The following ZNF57 variants were observed in gnomAD, a reference collection of about 807,000 sequenced individuals.
ZNF57 encodes the protein zinc finger protein 424.
A neutral mutation model predicts 13.4 loss-of-function variants in ZNF57; 11 were observed. The observed-to-expected ratio is 0.82, with a 90% CI of 0.52 to 1.36. The LOEUF (loss-of-function observed/expected upper bound fraction) is 1.36. Ranked by LOEUF, ZNF57 falls within the 40% of genes most tolerant of loss-of-function variation. The pLI, the probability that ZNF57 is intolerant of heterozygous loss-of-function variation, is 0.00. For synonymous variants in ZNF57, 224 were observed against 238.5 expected (o/e 0.94, Z 0.56); for missense variants, 696 against 667.5 (o/e 1.04, Z -0.47).
intron 1 of ZNF57, among the ~76,000 whole-genome samples, chr19:2,903,407 T>C (rs1270387256): frequency 6.6e-6 from 1 of 152,130 alleles, no homozygotes; most frequent in East Asian, 1.9e-4. Context: ...AGACGGGGTT[T>C]CGCCATGTTG....
Position 2,917,613 on chromosome 19 carries a change from C to G in ZNF57, c.992C>G (p.Thr331Ser). Reference sequence around the variant, plus strand: ...TTGCGAGTCCACATGAGGATCCACACTGGGGACAAACTCTATAAATGTGAA... The same window carrying G: ...TTGCGAGTCCACATGAGGATCCACAGTGGGGACAAACTCTATAAATGTGAA... ...ETLRVHMRIH[T>S]GDKLYKCEHC... The change falls in exon 4 of 4, where the codon ACT (threonine) becomes AGT (serine). Residue 331 changes from threonine to serine, a missense_variant. Transcript: ENST00000306908. 2 of 1,613,692 alleles carry G rather than the reference C, an allele frequency of 1.2e-6. No homozygotes were observed. Among genetic ancestry groups the G allele is most frequent in the South Asian group, 1.1e-5 (1 of 91,046 alleles).
chr19:2,916,016 T>C, intron 2 of ZNF57, 62 bp from the exon 3 acceptor site: 1 of 1,542,770 alleles, frequency 6.5e-7, no homozygotes, highest in Non-Finnish European at 8.8e-7. Flanking sequence ...AACTCCTCAG[T>C]GTCTTCCTTT....
intron 1 of ZNF57, among the ~76,000 whole-genome samples, chr19:2,903,905 C>A (rs543883924): frequency 5.6e-4 from 85 of 151,992 alleles, no homozygotes; most frequent in Non-Finnish European, 1.0e-3. Flanking sequence ...TTAGTAGAGA[C>A]GGGGTTTCAC....
At position 2,915,530 on chromosome 19, in the gene ZNF57, G is replaced by C. The variant is rs1416000299; in HGVS notation, c.12G>C (p.Val4=). MDS[V]VFEDVAVDFT... ...TGTGTGGTTTGTCTTAGGACTCAGT[G>C]GTCTTTGAGGATGTGGCTGTGGACT... Residue 4 remains valine (V), a synonymous_variant, in exon 2 of 4, where the codon GTG becomes GTC. Transcript: ENST00000306908. 1.4e-5 allele frequency: 23 copies of C among 1,613,752 alleles called. No homozygotes were observed. The highest frequency in any genetic ancestry group is 1.6e-4 in the Middle Eastern group (1 of 6,082).
chr19:2,908,461 G>GTTTTTTTTTT (rs60289248), intron 1 of ZNF57, among the ~76,000 whole-genome samples: 1 of 122,640 alleles, frequency 8.2e-6, no homozygotes, highest in African/African-American at 3.3e-5. Context: ...TATTTTTTTG[G>GTTTTTTTTTT]TTTTTTTTTT....
In ZNF57 at chr19:2,910,586, C is replaced by G. The variant is rs375883434; in HGVS notation, c.4-4936C>G. ...CGCCATTCTCCTGCCTCAGCCTCCC[C>G]AGCAGCTGGGACTACAGGTACTCCC... On this transcript the variant is annotated intron_variant, in intron 1 of 3. Coordinates refer to ENST00000306908, the MANE Select transcript of ZNF57 (RefSeq NM_173480.3). Among the ~76,000 whole-genome samples the G allele has an allele frequency of 6.4e-3, 684 of 107,260 alleles. 178 individuals carry two copies. The highest frequency in any genetic ancestry group is 0.012 in the Non-Finnish European group (578 of 49,536). 70.4% of individuals were successfully genotyped at this position (107,260 alleles called of 152,430 possible). A position where few individuals can be genotyped will look rare whatever the true frequency, so the allele number is the denominator to read the frequency against.
rs540199650 is a variant in ZNF57 at position 2,906,078 on chromosome 19, T to C, written c.3+5030T>C. 3.2e-4 allele frequency among the ~76,000 whole-genome samples: 48 copies of C among 152,234 alleles called. 2 individuals carry two copies. The highest frequency in any genetic ancestry group is 1.9e-3 in the East Asian group (10 of 5,176). Reference sequence around the variant, plus strand: ...ATTGTTTTATATCCTTCATTAGATATAAAATTCCTCTGTTGCCCAGGCTGG... The same window carrying C: ...ATTGTTTTATATCCTTCATTAGATACAAAATTCCTCTGTTGCCCAGGCTGG... On this transcript the variant is annotated intron_variant, in intron 1 of 3. Transcript: ENST00000306908.
At chr19:2,905,417 C>CCCG (rs1454769548) in intron 1 of ZNF57, among the ~76,000 whole-genome samples, 1 of 79,496 alleles carries the variant, frequency 1.3e-5, no homozygotes, top group African/African-American at 4.2e-5. Context: ...GCCCCCCCCC[C>CCCG]CTCGGCATTC....
Position 2,917,278 on chromosome 19 carries a change from A to G in ZNF57, c.657A>G (p.Thr219=), listed in dbSNP as rs774140758. 16 of 1,614,012 alleles carry G rather than the reference A, an allele frequency of 9.9e-6. No individual in the cohort carries two copies. The East Asian group carries it at 2.2e-4, about 22-fold the overall frequency. ...TCTCCCACCACGTAAAGACTCACAC[A>G]GCAGAGAAAACCTACAAATGCGAGC... ...RYLSHHVKTH[T]AEKTYKCEQC... Residue 219 remains threonine, a synonymous_variant, in exon 4 of 4, where the codon ACA becomes ACG. Coordinates refer to ENST00000306908, the MANE Select transcript of ZNF57 (RefSeq NM_173480.3).
chr19:2,903,979 T>G (rs1202675974), intron 1 of ZNF57, among the ~76,000 whole-genome samples: 6 of 152,088 alleles, frequency 3.9e-5, no homozygotes. Flanking sequence ...CCTCCGAAAG[T>G]GCTGGGATTA....
At chr19:2,905,651 G>C (rs928491745) in intron 1 of ZNF57, among the ~76,000 whole-genome samples, 10 of 151,006 alleles carry the variant, frequency 6.6e-5, no homozygotes, top group African/African-American at 2.2e-4. Flanking sequence ...TGTAGTCCCA[G>C]CTACTCGGGA....
Position 2,916,973 on chromosome 19 carries a change from G to A in ZNF57, c.352G>A (p.Gly118Arg). ...TACACATAATGAAGGTAATCAATATGGAGAAGCCATCCATCAAATGCCAGA... is the reference window on the plus strand; with the variant it reads ...TACACATAATGAAGGTAATCAATATAGAGAAGCCATCCATCAAATGCCAGA... ...FCTHNEGNQY[G>R]EAIHQMPDLT... is the part of the protein sequence containing the mutation. The change falls in exon 4 of 4, where the codon GGA becomes AGA. Residue 118 changes from glycine to arginine, a missense_variant. By Grantham distance (125) the Gly-to-Arg change is moderately radical. Coordinates refer to ENST00000306908, the MANE Select transcript of ZNF57 (RefSeq NM_173480.3). The A allele has an allele frequency of 2.5e-6, 4 of 1,612,764 alleles. No homozygotes were observed. The highest frequency in any genetic ancestry group is 2.5e-6 in the Non-Finnish European group (3 of 1,179,518).
Position 2,918,195 on chromosome 19 carries a change from T to G in ZNF57, c.1574T>G (p.Met525Arg). The change falls in exon 4 of 4, where the codon ATG (methionine) becomes AGG (arginine). Residue 525 changes from methionine to arginine, a missense_variant. By Grantham distance (91) the Met-to-Arg change is moderately conservative. Around this residue, in one of 3 missense-constraint regions of ZNF57, gnomAD observed 645 missense variants for 591.5 expected, o/e 1.09. Transcript: ENST00000306908. The part of the protein sequence containing the change: ...WHSSFRNHLR[M>R]HTGQKSHECQ... Reference sequence around the variant, plus strand: ...TCCTCCTTCCGGAACCATCTGAGGATGCACACAGGACAGAAATCCCACGAA... The same window carrying G: ...TCCTCCTTCCGGAACCATCTGAGGAGGCACACAGGACAGAAATCCCACGAA... 6.2e-7 allele frequency: 1 copy of G among 1,614,268 alleles called. No homozygotes were observed. The highest frequency in any genetic ancestry group is 8.5e-7 in the Non-Finnish European group (1 of 1,180,048).
chr19:2,911,522 G>A (rs1157901742), intron 1 of ZNF57, among the ~76,000 whole-genome samples: 1 of 143,956 alleles, frequency 6.9e-6, no homozygotes, highest in East Asian at 2.1e-4. Context: ...GACAGAGGGA[G>A]AGTCTGTCTC....
In ZNF57 at chr19:2,905,407, G is replaced by GCCCCCCCCCCCCCCCCCCCCCCCC. The variant is rs752129900; in HGVS notation, c.3+4370_3+4371insCCCCCCCCCCCCCCCCCCCCCCCC. On this transcript the variant is annotated intron_variant, in intron 1 of 3. Transcript: ENST00000306908. ...CTCGAACTCTTGACTTCAGGTGATC[G>GCCCCCCCCCCCCCCCCCCCCCCCC]CCCCCCCCCCCTCGGCATTCCAAAG... Among the ~76,000 whole-genome samples the GCCCCCCCCCCCCCCCCCCCCCCCC allele has an allele frequency of 8.6e-5, 3 of 34,814 alleles. 1 individual carries two copies. Among genetic ancestry groups the GCCCCCCCCCCCCCCCCCCCCCCCC allele is most frequent in the Non-Finnish European group, 1.6e-4 (3 of 18,350 alleles). 22.8% of individuals were successfully genotyped at this position (34,814 alleles called of 152,430 possible).
Position 2,918,184 on chromosome 19 carries a change from C to T in ZNF57, c.1563C>T (p.Asn521=). The T allele has an allele frequency of 1.9e-6, 3 of 1,614,126 alleles. No individual in the cohort carries two copies. The highest frequency in any genetic ancestry group is 2.5e-6 in the Non-Finnish European group (3 of 1,180,032). Residue 521 remains asparagine (N), a synonymous_variant, in exon 4 of 4, where the codon AAC becomes AAT. Transcript: ENST00000306908. ...MSFKWHSSFR[N]HLRMHTGQKS... is the part of the protein sequence containing the mutation. ...TCAAGTGGCACTCCTCCTTCCGGAA[C>T]CATCTGAGGATGCACACAGGACAGA... is the stretch of plus-strand genomic sequence containing the variant.
chr19:2,907,395 G>A (rs536541852), intron 1 of ZNF57, among the ~76,000 whole-genome samples: 9 of 152,212 alleles, frequency 5.9e-5, no homozygotes, highest in Admixed American at 2.6e-4. Flanking sequence ...TGGCTCTTCC[G>A]AAAGCGCAAA....
rs1212426647 is a variant in ZNF57 at position 2,910,457 on chromosome 19, CTTTTTT to C, written c.4-5049_4-5044del. Among the ~76,000 whole-genome samples the C allele has an allele frequency of 1.9e-3, 16 of 8,634 alleles. 7 individuals carry two copies. The highest frequency in any genetic ancestry group is 3.8e-3 in the African/African-American group (14 of 3,702). The allele number at this position is 8,634 out of a possible 152,430, so 5.7% of individuals were successfully genotyped here. A position where few individuals can be genotyped will look rare whatever the true frequency, so the allele number is the denominator to read the frequency against. On this transcript the variant is annotated intron_variant, in intron 1 of 3. Transcript: ENST00000306908. ...GTGCTTGATCTGTTTCTTTTCTTTT[CTTTTTT>C]TTTTTTTTTTTTTTTGAGACAGAGT...
intron 1 of ZNF57, chr19:2,915,311 C>A (rs1378222242): frequency 5.7e-6 from 3 of 525,454 alleles, no homozygotes; most frequent in Non-Finnish European, 9.8e-6. Context: ...TAAGAGCAGT[C>A]GCAGTAAAAA....
Sources: gnomAD v4.1 joint callset for allele counts (sites outside exome capture counted in the v4.1 genomes callset) on GRCh38, gnomAD v4.1.1 for gene constraint, gnomAD v4.1.1 regional missense constraint, MANE v1.5 for transcripts, NCBI Gene and HGNC (gene_info 2026-07-23, HGNC 2026-07-21) for gene names.